Variants in NR2F1-AS1 observed in about 807,000 individuals in gnomAD.
NR2F1-AS1 encodes NR2F1 regulatory antisense RNA 1.
At chr5:93,413,230 A>G (rs191957384) in intron 4 of NR2F1-AS1, among the ~76,000 whole-genome samples, 1,817 of 146,484 alleles carry the variant, frequency 0.012, 21 homozygotes, top group Non-Finnish European at 0.02. Context: ...ATGTGTGTGT[A>G]TATATATATA....
chr5:93,576,468 T>C (rs1044182780), intron 1 of NR2F1-AS1, among the ~76,000 whole-genome samples: 2 of 151,410 alleles, frequency 1.3e-5, no homozygotes, highest in African/African-American at 4.9e-5. Context: ...CTAAACCTCC[T>C]CTCTCCTCAA....
chr5:93,516,608 G>A (rs1431223078), intron 4 of NR2F1-AS1, among the ~76,000 whole-genome samples: 4 of 151,702 alleles, frequency 2.6e-5, no homozygotes, highest in African/African-American at 9.7e-5. Flanking sequence ...TTTTACAAAC[G>A]AGAACATTAA....
chr5:93,441,952 T>G (rs1749579370), intron 4 of NR2F1-AS1, among the ~76,000 whole-genome samples: 1 of 152,238 alleles, frequency 6.6e-6, no homozygotes, highest in South Asian at 2.1e-4. Context: ...TGACTACTTC[T>G]GTGGTACAAT....
chr5:93,565,594 G>A (rs1458233350), intron 1 of NR2F1-AS1, among the ~76,000 whole-genome samples: 4 of 151,894 alleles, frequency 2.6e-5, no homozygotes, highest in African/African-American at 9.7e-5. Flanking sequence ...TGGGTTTGGG[G>A]TATATGGATG....
At chr5:93,435,771 C>T (rs1234596515) in intron 4 of NR2F1-AS1, among the ~76,000 whole-genome samples, 1 of 152,150 alleles carries the variant, frequency 6.6e-6, no homozygotes, top group East Asian at 1.9e-4. Flanking sequence ...GATGATAACC[C>T]CTTCATTTCC....
At chr5:93,435,412 A>G (rs1749412630) in intron 4 of NR2F1-AS1, among the ~76,000 whole-genome samples, 1 of 152,096 alleles carries the variant, frequency 6.6e-6, no homozygotes, top group Admixed American at 6.5e-5. Context: ...TTGTTTTCTG[A>G]TTTATTTCCA....
intron 4 of NR2F1-AS1, among the ~76,000 whole-genome samples, chr5:93,469,281 A>T (rs1450940969): frequency 2.0e-5 from 3 of 152,124 alleles, no homozygotes; most frequent in Non-Finnish European, 4.4e-5. Context: ...ACAAACCCAT[A>T]GAACATGTAA....
chr5:93,505,791 C>T (rs544621167), intron 4 of NR2F1-AS1, among the ~76,000 whole-genome samples: 8 of 152,292 alleles, frequency 5.3e-5, no homozygotes, highest in Admixed American at 6.5e-5. Flanking sequence ...ATTTTTCTTC[C>T]GGGCCTCCAG....
At chr5:93,515,880 A>G (rs1305170745) in intron 4 of NR2F1-AS1, among the ~76,000 whole-genome samples, 1 of 151,868 alleles carries the variant, frequency 6.6e-6, no homozygotes, top group Non-Finnish European at 1.5e-5. Flanking sequence ...TAAACTGAAA[A>G]CAGAGTACAT....
chr5:93,438,841 T>C (rs1213909130), intron 4 of NR2F1-AS1: 8 of 152,212 alleles, frequency 5.3e-5, no homozygotes, highest in African/African-American at 1.9e-4. Flanking sequence ...TGCTATGGCC[T>C]AGAAGGAGCA....
chr5:93,560,938 TG>T (rs1287769006), intron 2 of NR2F1-AS1, among the ~76,000 whole-genome samples: 1 of 152,238 alleles, frequency 6.6e-6, no homozygotes, highest in East Asian at 1.9e-4. Context: ...GCAATTATTA[TG>T]GAAAGAATGG....
chr5:93,522,950 GTT>G (rs113929098), intron 4 of NR2F1-AS1, among the ~76,000 whole-genome samples: 3 of 147,154 alleles, frequency 2.0e-5, no homozygotes, highest in Non-Finnish European at 4.5e-5. Context: ...GCTGCAGGAG[GTT>G]TTTTTTTTTT....
chr5:93,439,625 A>G (rs376345051), intron 4 of NR2F1-AS1, among the ~76,000 whole-genome samples: 6 of 152,216 alleles, frequency 3.9e-5, no homozygotes, highest in Admixed American at 2.6e-4. Flanking sequence ...CTGATGTTAA[A>G]AAATGCTCAA....
At chr5:93,565,831 A>AAT (rs375308670) in intron 1 of NR2F1-AS1, among the ~76,000 whole-genome samples, 57 of 151,056 alleles carry the variant, frequency 3.8e-4, no homozygotes, top group East Asian at 9.7e-4. Flanking sequence ...AATGTGCTAA[A>AAT]ATATATATAT....
intron 4 of NR2F1-AS1, among the ~76,000 whole-genome samples, chr5:93,490,381 T>C (rs1750809701): frequency 1.3e-5 from 2 of 152,168 alleles, no homozygotes; most frequent in East Asian, 1.9e-4. Context: ...GAAATCCATA[T>C]GGATGAGAAG....
chr5:93,499,197 T>C (rs941215118), intron 4 of NR2F1-AS1, among the ~76,000 whole-genome samples: 2 of 152,152 alleles, frequency 1.3e-5, no homozygotes, highest in Admixed American at 1.3e-4. Flanking sequence ...AATATGTGAA[T>C]GTGTGTGTGT....
At chr5:93,583,275 CTCTCTCTCTCTCTCTCTCTCTTCTTCTCT>C (rs1753156760), upstream of NR2F1-AS1, 1 of 149,736 alleles carries the variant, frequency 6.7e-6, no homozygotes, top group Admixed American at 6.7e-5. Flanking sequence ...TTTTGGGTCT[CTCTCTCTCTCTCTCTCTCTCTTCTTCTCT>C]TCTCTCTCTC....
intron 2 of NR2F1-AS1, chr5:93,563,244 T>C (rs965618146): frequency 6.6e-6 from 1 of 152,240 alleles, no homozygotes; most frequent in Non-Finnish European, 1.5e-5. Context: ...TGGAGAGCTA[T>C]AATAAATAAG....
intron 4 of NR2F1-AS1, among the ~76,000 whole-genome samples, chr5:93,537,279 C>A (rs1011795884): frequency 1.3e-5 from 2 of 151,980 alleles, no homozygotes; most frequent in African/African-American, 2.4e-5. Context: ...AACATATAGG[C>A]AACAAAAGCA....
Sources: gnomAD v4.1 joint callset for allele counts (sites outside exome capture counted in the v4.1 genomes callset) on GRCh38, gnomAD v4.1.1 for gene constraint, MANE v1.5 for transcripts, NCBI Gene and HGNC (gene_info 2026-07-23, HGNC 2026-07-21) for gene names.